AFG2A: variants seen among roughly 807,000 people sequenced by gnomAD.
AFG2A encodes ATPase family gene 2 protein homolog A.
chr4:122,983,560 C>T, the AFG2A span, among the ~76,000 whole-genome samples: 2 of 151,690 alleles, frequency 1.3e-5, no homozygotes, highest in East Asian at 3.9e-4. Flanking sequence ...CATCTTTGAC[C>T]CATTGATTGT....
the AFG2A span, among the ~76,000 whole-genome samples, chr4:123,066,157 T>G: frequency 1.3e-5 from 2 of 152,172 alleles, no homozygotes; most frequent in African/African-American, 4.8e-5. Context: ...AATGAAGATC[T>G]CAGGCTTAGC....
the AFG2A span, among the ~76,000 whole-genome samples, chr4:123,069,251 A>C: frequency 6.6e-6 from 1 of 152,190 alleles, no homozygotes; most frequent in Non-Finnish European, 1.5e-5. Flanking sequence ...ATGTGTAGAA[A>C]GGTCTCCATG....
At chr4:123,021,432 G>C in the AFG2A span, among the ~76,000 whole-genome samples, 4 of 152,078 alleles carry the variant, frequency 2.6e-5, no homozygotes, top group African/African-American at 9.7e-5. Flanking sequence ...CAGTTACTGT[G>C]TGTTGCTTTC....
chr4:123,142,305 T>A, the AFG2A span, among the ~76,000 whole-genome samples: 1 of 152,182 alleles, frequency 6.6e-6, no homozygotes, highest in Non-Finnish European at 1.5e-5. Context: ...TGGTAGTTAC[T>A]ACAGTGCTAT....
chr4:122,973,991 T>C, the AFG2A span, among the ~76,000 whole-genome samples: 1 of 152,158 alleles, frequency 6.6e-6, no homozygotes, highest in African/African-American at 2.4e-5. Flanking sequence ...ACTTTACTAT[T>C]TTTTAACTTT....
At chr4:123,188,412 C>G in the AFG2A span, among the ~76,000 whole-genome samples, 1 of 152,100 alleles carries the variant, frequency 6.6e-6, no homozygotes, top group South Asian at 2.1e-4. Context: ...TTAACAGTAA[C>G]TTGAAATATT....
the AFG2A span, among the ~76,000 whole-genome samples, chr4:123,082,523 CTTTTTTT>C: frequency 0.26 from 36,501 of 141,340 alleles, 4,926 homozygotes; most frequent in South Asian, 0.46. Flanking sequence ...TCTCTTTTTT[CTTTTTTT>C]TTTTTTTTGG....
chr4:123,304,795 A>T, the AFG2A span, among the ~76,000 whole-genome samples: 1 of 152,162 alleles, frequency 6.6e-6, no homozygotes, highest in African/African-American at 2.4e-5. Flanking sequence ...GACCGAGCGC[A>T]GAGACAGCAT....
the AFG2A span, among the ~76,000 whole-genome samples, chr4:123,011,202 T>C: frequency 6.6e-6 from 1 of 152,262 alleles, no homozygotes; most frequent in South Asian, 2.1e-4. Flanking sequence ...TAAAGTTTGC[T>C]TATATGAGTT....
the AFG2A span, among the ~76,000 whole-genome samples, chr4:123,100,493 C>T: frequency 6.6e-6 from 1 of 151,858 alleles, no homozygotes. Context: ...AAAGCATTCT[C>T]ATCTTTTTCT....
At chr4:123,118,881 A>G in the AFG2A span, among the ~76,000 whole-genome samples, 1 of 152,146 alleles carries the variant, frequency 6.6e-6, no homozygotes, top group African/African-American at 2.4e-5. Flanking sequence ...TAAAACATAA[A>G]TATACATTGA....
At chr4:123,224,488 G>C in the AFG2A span, among the ~76,000 whole-genome samples, 2 of 151,786 alleles carry the variant, frequency 1.3e-5, no homozygotes, top group South Asian at 2.1e-4. Context: ...GCGATAGTTT[G>C]CTGAGAATGA....
the AFG2A span, among the ~76,000 whole-genome samples, chr4:122,940,949 T>A: frequency 6.6e-6 from 1 of 151,684 alleles, no homozygotes; most frequent in African/African-American, 2.4e-5. Context: ...GTTGTAGATA[T>A]GTGGCATTAT....
chr4:122,925,139 C>G, the AFG2A span, among the ~76,000 whole-genome samples: 1 of 152,050 alleles, frequency 6.6e-6, no homozygotes, highest in Admixed American at 6.6e-5. Flanking sequence ...ATCCATGACT[C>G]TCCCCCCCAT....
At chr4:122,945,402 T>C in the AFG2A span, among the ~76,000 whole-genome samples, 23 of 152,328 alleles carry the variant, frequency 1.5e-4, no homozygotes, top group African/African-American at 5.5e-4. Context: ...CTCAGACTGC[T>C]GTGCTAGCAA....
At chr4:123,255,060 C>T in the AFG2A span, among the ~76,000 whole-genome samples, 1 of 152,108 alleles carries the variant, frequency 6.6e-6, no homozygotes, top group East Asian at 1.9e-4. Context: ...GCCTCCTGGG[C>T]TCAAGTGATC....
At chr4:123,132,780 CTT>C in the AFG2A span, among the ~76,000 whole-genome samples, 7,602 of 128,788 alleles carry the variant, frequency 0.059, 261 homozygotes, top group African/African-American at 0.14. Context: ...GATTTCAATC[CTT>C]TTTTTTTTTT....
At chr4:123,073,120 A>G in the AFG2A span, among the ~76,000 whole-genome samples, 1 of 151,986 alleles carries the variant, frequency 6.6e-6, no homozygotes, top group Admixed American at 6.6e-5. Context: ...AATTATCATA[A>G]CCATGCTGTA....
At chr4:123,058,816 C>G in the AFG2A span, among the ~76,000 whole-genome samples, 15 of 25,014 alleles carry the variant, frequency 6.0e-4, no homozygotes, top group African/African-American at 1.3e-3. Flanking sequence ...ATCATTCCGC[C>G]CCGGCCCCTC....
Sources: allele counts gnomAD v4.1 joint callset (sites outside exome capture counted in the v4.1 genomes callset), GRCh38; gene constraint gnomAD v4.1.1; transcripts MANE v1.5; gene names NCBI Gene and HGNC (gene_info 2026-07-23, HGNC 2026-07-21).